The following TRHDE variants were observed in gnomAD, a reference collection of about 807,000 sequenced individuals.
TRHDE encodes the protein thyrotropin releasing hormone degrading enzyme, also known as thyrotropin-releasing hormone-degrading ectoenzyme.
Under a neutral mutation model 125.7 loss-of-function variants are expected in TRHDE, and 72 were observed. The observed-to-expected ratio is 0.57, with a 90% CI of 0.47 to 0.70. TRHDE has a LOEUF of 0.70. TRHDE is among the 30% of genes least tolerant of loss of function. The probability of loss-of-function intolerance (pLI) is 0.00; values close to 1 mark genes in which losing one functional copy is unlikely to be tolerated. For missense variants in TRHDE, 1,110 were observed against 1,327.1 expected (o/e 0.84, Z 2.54); for synonymous variants, 509 against 509.1 (o/e 1.00, Z 0.00).
rs191182035 is a variant in TRHDE, at chr12:72,121,319, A to T, written n.279+15567A>T. On this transcript the variant is annotated intron_variant and non_coding_transcript_variant, in intron 2 of 4. Transcript: ENST00000548156. ...GAATTGCAGTCCTTGTGGCCTAGACAACCTTTCAGGTTTATGTAGGTCTCC... is the reference window on the plus strand; with the variant it reads ...GAATTGCAGTCCTTGTGGCCTAGACTACCTTTCAGGTTTATGTAGGTCTCC... 1.4e-3 allele frequency among the ~76,000 whole-genome samples: 209 copies of T among 152,270 alleles called. 1 individual carries two copies. The highest frequency in any genetic ancestry group is 4.6e-3 in the African/African-American group (191 of 41,546).
At chr12:72,456,684 T>A (rs1399691425) in intron 3 of TRHDE, among the ~76,000 whole-genome samples, 1 of 152,074 alleles carries the variant, frequency 6.6e-6, no homozygotes, top group Admixed American at 6.6e-5. Flanking sequence ...AACATTTTTA[T>A]GATTAGTACA....
intron 3 of TRHDE, among the ~76,000 whole-genome samples, chr12:72,387,437 G>C (rs1034555213): frequency 6.6e-6 from 1 of 152,088 alleles, no homozygotes; most frequent in African/African-American, 2.4e-5. Context: ...TCCATTGCTA[G>C]TATTCGCATT....
chr12:72,272,778 G>T lies in TRHDE; in HGVS notation c.135G>T (p.Ala45=), dbSNP rs753572797. The T allele has an allele frequency of 1.5e-5, 23 of 1,553,416 alleles. No homozygotes were observed. In the East Asian group the frequency reaches 5.1e-4, roughly 34 times the overall value. ...AEKSSSPFAA[A]MGEDDAALRA... is the part of the protein sequence containing the mutation. ...AGAGCAGCTCACCCTTCGCAGCCGC[G>T]ATGGGGGAAGACGACGCCGCGCTTC... Residue 45 remains alanine, a synonymous_variant, in exon 1 of 19, where the codon GCG becomes GCT. Transcript: ENST00000261180. This position sits in a 1 kb window ranked among gnomAD's most constrained non-coding sequence, Gnocchi z 6.7.
At chr12:72,092,037 T>C (rs1035086926) in intron 1 of TRHDE, among the ~76,000 whole-genome samples, 1 of 152,190 alleles carries the variant, frequency 6.6e-6, no homozygotes, top group African/African-American at 2.4e-5. Context: ...GTCTTGCAAA[T>C]GACAGTCTCA....
At chr12:72,425,769 A>G (rs1054212861) in intron 3 of TRHDE, among the ~76,000 whole-genome samples, 13 of 152,108 alleles carry the variant, frequency 8.5e-5, no homozygotes, top group African/African-American at 3.1e-4. Context: ...CTAATTAACT[A>G]GTTAATTAAT....
intron 12 of TRHDE, among the ~76,000 whole-genome samples, chr12:72,584,514 A>G (rs978243770): frequency 6.6e-6 from 1 of 152,180 alleles, no homozygotes; most frequent in Non-Finnish European, 1.5e-5. Flanking sequence ...TAATATAACT[A>G]TAATTTTGAA....
chr12:72,637,234 G>C (rs1198101619), intron 15 of TRHDE, among the ~76,000 whole-genome samples: 6 of 152,182 alleles, frequency 3.9e-5, no homozygotes, highest in Non-Finnish European at 8.8e-5. Context: ...AGTCTTGGGA[G>C]AGTGTTTGTG....
chr12:72,517,350 ACTT>A (rs1878926804), intron 6 of TRHDE, among the ~76,000 whole-genome samples: 1 of 151,946 alleles, frequency 6.6e-6, no homozygotes, highest in Admixed American at 6.6e-5. Context: ...CAGAGATTCA[ACTT>A]CTTCCTGGTT....
intron 6 of TRHDE, among the ~76,000 whole-genome samples, chr12:72,515,170 G>A (rs1404244952): frequency 2.2e-5 from 3 of 133,710 alleles, no homozygotes; most frequent in African/African-American, 6.2e-5. Context: ...GGATGGCTGG[G>A]TCAAATGGTA....
intron 3 of TRHDE, among the ~76,000 whole-genome samples, chr12:72,402,416 G>T (rs1873081643): frequency 6.6e-6 from 1 of 152,190 alleles, no homozygotes. Context: ...CTCTCTCTTG[G>T]CTTCTAGGGG....
intron 3 of TRHDE, among the ~76,000 whole-genome samples, chr12:72,452,704 T>A (rs11179212): frequency 0.097 from 14,686 of 151,992 alleles, 890 homozygotes; most frequent in African/African-American, 0.16. Flanking sequence ...TTCTCATGGA[T>A]CATTTAGTAC....
intron 3 of TRHDE, among the ~76,000 whole-genome samples, chr12:72,428,704 C>T (rs552380442): frequency 7.9e-5 from 12 of 152,154 alleles, no homozygotes; most frequent in Admixed American, 2.0e-4. Flanking sequence ...GTGTAGTCAT[C>T]GCCAGCAGAA....
At chr12:72,264,196 T>G (rs957366495) in intron 2 of TRHDE, 6 of 152,098 alleles carry the variant, frequency 3.9e-5, no homozygotes, top group Admixed American at 1.3e-4. Flanking sequence ...GTGTCTCAAT[T>G]AAAAAAGACA....
chr12:72,327,227 AG>A (rs1240679011), intron 2 of TRHDE, among the ~76,000 whole-genome samples: 5 of 152,124 alleles, frequency 3.3e-5, no homozygotes, highest in Non-Finnish European at 7.4e-5. Context: ...CTAATTAGTG[AG>A]AATGAAGCCC....
At chr12:72,352,870 A>G (rs1870644925) in intron 2 of TRHDE, among the ~76,000 whole-genome samples, 1 of 151,680 alleles carries the variant, frequency 6.6e-6, no homozygotes, top group Non-Finnish European at 1.5e-5. Context: ...CCTATTTTAA[A>G]GATCGAATTA....
chr12:72,212,946 G>A (rs1336809990), intron 2 of TRHDE, among the ~76,000 whole-genome samples: 1 of 152,090 alleles, frequency 6.6e-6, no homozygotes, highest in Non-Finnish European at 1.5e-5. Flanking sequence ...TCTATTACCT[G>A]ATGAGTAGAT....
intron 2 of TRHDE, among the ~76,000 whole-genome samples, chr12:72,242,586 C>T (rs563854081): frequency 1.4e-3 from 209 of 152,198 alleles, no homozygotes; most frequent in Non-Finnish European, 2.5e-3. Context: ...GCTTCTTGAG[C>T]GGGAAGTAGT....
Position 72,245,008 on chromosome 12 carries a change from A to G in TRHDE, n.280-132987A>G, listed in dbSNP as rs1592497964. 2.6e-5 allele frequency among the ~76,000 whole-genome samples: 4 copies of G among 152,292 alleles called. No individual in the cohort carries two copies. The East Asian group carries it at 7.7e-4, about 29-fold the overall frequency. On this transcript the variant is annotated intron_variant and non_coding_transcript_variant, in intron 2 of 4. Transcript: ENST00000548156. ...AAAGGCATGTGAATAATTTTACAACATCTTTTATGGGGTGCAGGAAAAACT... is the reference window on the plus strand; with the variant it reads ...AAAGGCATGTGAATAATTTTACAACGTCTTTTATGGGGTGCAGGAAAAACT...
intron 6 of TRHDE, among the ~76,000 whole-genome samples, chr12:72,511,459 A>G (rs1187721847): frequency 6.6e-6 from 1 of 152,114 alleles, no homozygotes; most frequent in Non-Finnish European, 1.5e-5. Context: ...TAATTTCTAG[A>G]TATATTTTTG....
Sources: allele counts gnomAD v4.1 joint callset (sites outside exome capture counted in the v4.1 genomes callset), GRCh38; gene constraint gnomAD v4.1.1; non-coding constraint Gnocchi (gnomAD v3.1); transcripts MANE v1.5; gene names NCBI Gene and HGNC (gene_info 2026-07-23, HGNC 2026-07-21).